The following ITGA1 variants were observed in gnomAD, a reference collection of about 807,000 sequenced individuals.
ITGA1 encodes integrin alpha-1.
In ITGA1, 85 loss-of-function variants were observed where a neutral mutation model predicts 145.9. The ratio of observed to expected loss-of-function variants is 0.58; its 90% CI spans 0.49 to 0.70. The LOEUF (loss-of-function observed/expected upper bound fraction) is 0.70. Ranked by LOEUF, ITGA1 falls within the 30% of genes least tolerant of loss-of-function variation. ITGA1 has a pLI of 0.00. For synonymous variants in ITGA1, 520 were observed against 495.3 expected (o/e 1.05, Z -0.66); for missense variants, 1,351 against 1,418.7 (o/e 0.95, Z 0.77).
At chr5:52,847,032 TA>T (rs1183557123) in intron 1 of ITGA1, among the ~76,000 whole-genome samples, 2 of 152,184 alleles carry the variant, frequency 1.3e-5, no homozygotes, top group South Asian at 2.1e-4. Flanking sequence ...GATAAAGGAT[TA>T]AAAAAAGGTA....
chr5:52,828,288 A>G (rs141182289), intron 1 of ITGA1, among the ~76,000 whole-genome samples: 3 of 152,158 alleles, frequency 2.0e-5, no homozygotes, highest in African/African-American at 7.2e-5. Flanking sequence ...GAGAGTTCCA[A>G]TTACTACACA....
chr5:52,890,282 T>G (rs930931053), intron 8 of ITGA1, among the ~76,000 whole-genome samples: 4 of 152,212 alleles, frequency 2.6e-5, no homozygotes, highest in African/African-American at 9.6e-5. Context: ...TAAGAATATT[T>G]CATTGTTTTT....
At chr5:52,853,242 C>T (rs895261935) in intron 2 of ITGA1, among the ~76,000 whole-genome samples, 6 of 152,102 alleles carry the variant, frequency 3.9e-5, no homozygotes, top group African/African-American at 1.4e-4. Context: ...TTAAGGATAG[C>T]ATGGTAGCAG....
intron 1 of ITGA1, among the ~76,000 whole-genome samples, chr5:52,834,552 AAGAG>A (rs1200229357): frequency 2.5e-5 from 1 of 39,484 alleles, no homozygotes; most frequent in African/African-American, 7.9e-5. Context: ...AAGAAAGAGA[AAGAG>A]AGAGAGAAAG....
chr5:52,888,001 G>C (rs1208387453), intron 8 of ITGA1, 36 bp downstream of exon 8: 12 of 1,596,362 alleles, frequency 7.5e-6, no homozygotes, highest in Non-Finnish European at 1.0e-5. Flanking sequence ...CAAACTCTTA[G>C]GTGTAGAGAA....
intron 1 of ITGA1, among the ~76,000 whole-genome samples, chr5:52,799,535 T>C (rs1748410998): frequency 1.3e-5 from 2 of 152,182 alleles, no homozygotes; most frequent in South Asian, 4.1e-4. Context: ...TAGTTTCTTC[T>C]CTCTTGGGAC....
At chr5:52,831,912 T>C (rs1749077940) in intron 1 of ITGA1, among the ~76,000 whole-genome samples, 2 of 152,288 alleles carry the variant, frequency 1.3e-5, no homozygotes, top group South Asian at 4.1e-4. Context: ...TTTTAAGAGC[T>C]TTTTGGGGAA....
At chr5:52,858,778 A>G (rs1749555047) in intron 2 of ITGA1, among the ~76,000 whole-genome samples, 1 of 152,178 alleles carries the variant, frequency 6.6e-6, no homozygotes. Context: ...TATTCATCTG[A>G]AATAAATACC....
At chr5:52,818,610 T>A (rs1748815466) in intron 1 of ITGA1, among the ~76,000 whole-genome samples, 1 of 152,164 alleles carries the variant, frequency 6.6e-6, no homozygotes, top group Non-Finnish European at 1.5e-5. Flanking sequence ...TGGGTGATTC[T>A]TTTTCTCCAG....
chr5:52,901,161 G>A (rs762023558), intron 11 of ITGA1, among the ~76,000 whole-genome samples: 10 of 152,152 alleles, frequency 6.6e-5, no homozygotes, highest in Non-Finnish European at 1.5e-4. Flanking sequence ...GAGGGAGACA[G>A]AACTATGGAA....
rs1293526694 is a variant in ITGA1 at position 52,953,847 on chromosome 5, C to G, written c.*1396C>G. 1 of 152,160 alleles carries G rather than the reference C, an allele frequency of 6.6e-6. No individual in the cohort carries two copies. The highest frequency in any genetic ancestry group is 1.5e-5 in the Non-Finnish European group (1 of 68,018). 9.4% of individuals were successfully genotyped at this position (152,160 alleles called of 1,614,324 possible). A position where few individuals can be genotyped will look rare whatever the true frequency, so the allele number is the denominator to read the frequency against. On this transcript the variant is annotated 3_prime_UTR_variant, in exon 29 of 29. Transcript: ENST00000282588. ...AACAACATTTCTCCATCTGATTTACCAGAACCTGTAACAAGACCAGAACAT... is the reference window on the plus strand; with the variant it reads ...AACAACATTTCTCCATCTGATTTACGAGAACCTGTAACAAGACCAGAACAT...
intron 1 of ITGA1, among the ~76,000 whole-genome samples, chr5:52,817,215 A>G (rs547115530): frequency 1.3e-5 from 2 of 152,340 alleles, no homozygotes; most frequent in Admixed American, 6.5e-5. Context: ...TGAGTTTAAT[A>G]TAACAAAAGG....
chr5:52,858,779 A>C (rs892924608), intron 2 of ITGA1, among the ~76,000 whole-genome samples: 28 of 152,292 alleles, frequency 1.8e-4, no homozygotes, highest in African/African-American at 6.5e-4. Flanking sequence ...ATTCATCTGA[A>C]ATAAATACCT....
chr5:52,898,211 A>G (rs1184571778), intron 10 of ITGA1, 28 bp from the exon 11 acceptor site: 5 of 1,392,778 alleles, frequency 3.6e-6, no homozygotes, highest in African/African-American at 2.9e-5. Flanking sequence ...TTTATTAAAT[A>G]TTATTATCTT....
chr5:52,791,613 A>G (rs146066973), intron 1 of ITGA1, among the ~76,000 whole-genome samples: 1 of 152,308 alleles, frequency 6.6e-6, no homozygotes, highest in East Asian at 1.9e-4. Context: ...GCACAACTTA[A>G]CCCCGAAATG....
chr5:52,932,715 A>G (rs1175155733), intron 22 of ITGA1: 1 of 152,158 alleles, frequency 6.6e-6, no homozygotes, highest in Non-Finnish European at 1.5e-5. Flanking sequence ...CCAAATAAAC[A>G]TGTGCAATAT....
intron 1 of ITGA1, among the ~76,000 whole-genome samples, chr5:52,847,306 A>G (rs1482810228): frequency 1.3e-5 from 2 of 152,222 alleles, no homozygotes; most frequent in African/African-American, 2.4e-5. Flanking sequence ...CAAAATTTAA[A>G]GATTATAAAT....
intron 1 of ITGA1, among the ~76,000 whole-genome samples, chr5:52,845,948 A>C (rs1749327281): frequency 6.6e-6 from 1 of 152,196 alleles, no homozygotes; most frequent in African/African-American, 2.4e-5. Flanking sequence ...GTGTTCTGCA[A>C]ACTGTGTCCT....
intron 26 of ITGA1, among the ~76,000 whole-genome samples, chr5:52,940,171 T>C (rs1751033271): frequency 6.6e-6 from 1 of 152,196 alleles, no homozygotes. Flanking sequence ...AGATATACTT[T>C]TTTCAATCTC....
Sources: gnomAD v4.1 joint callset for allele counts (sites outside exome capture counted in the v4.1 genomes callset) on GRCh38, gnomAD v4.1.1 for gene constraint, MANE v1.5 for transcripts, NCBI Gene and HGNC (gene_info 2026-07-23, HGNC 2026-07-21) for gene names.